DLG1: variants seen among roughly 807,000 people sequenced by gnomAD.
DLG1 encodes the protein discs large MAGUK scaffold protein 1.
Under a neutral mutation model 123.4 loss-of-function variants are expected in DLG1, and 42 were observed. The ratio of observed to expected loss-of-function variants is 0.34; its 90% CI spans 0.27 to 0.44. The LOEUF (loss-of-function observed/expected upper bound fraction) is 0.44, where lower values mean the gene tolerates loss of function less well. DLG1 is among the 20% of genes least tolerant of loss of function. The pLI is 1.00. For synonymous variants in DLG1, 317 were observed against 356.2 expected (o/e 0.89, Z 1.24); for missense variants, 942 against 1,082.6 (o/e 0.87, Z 1.82).
chr3:197,113,725 G>A (rs933064679), intron 13 of DLG1, among the ~76,000 whole-genome samples: 3 of 152,070 alleles, frequency 2.0e-5, no homozygotes, highest in Non-Finnish European at 2.9e-5. Flanking sequence ...TAGCTTTTAA[G>A]ATTAGATAAA....
chr3:197,298,544 C>G lies in DLG1; in HGVS notation c.-40G>C. 2.5e-6 allele frequency: 1 copy of G among 398,720 alleles called. No individual in the cohort carries two copies. The highest frequency in any genetic ancestry group is 3.6e-5 in the East Asian group (1 of 28,070). 24.7% of individuals were successfully genotyped at this position (398,720 alleles called of 1,614,324 possible). A position where few individuals can be genotyped will look rare whatever the true frequency, so the allele number is the denominator to read the frequency against. ...ATCCAAGGCGCACATACCGAGACAC[C>G]CCTCAACCTCACTCAGCAGTGCCGT... On this transcript the variant is annotated 5_prime_UTR_variant, in exon 1 of 25. Coordinates refer to ENST00000667157, the MANE Select transcript of DLG1 (RefSeq NM_001366207.1).
At chr3:197,110,969 T>C (rs571478455) in intron 13 of DLG1, among the ~76,000 whole-genome samples, 35 of 152,250 alleles carry the variant, frequency 2.3e-4, no homozygotes, top group African/African-American at 7.5e-4. Flanking sequence ...GCCCTGAACA[T>C]GTGTGTGGCC....
intron 5 of DLG1, among the ~76,000 whole-genome samples, chr3:197,191,009 CAAACA>C (rs537538638): frequency 1.1e-4 from 16 of 152,182 alleles, no homozygotes; most frequent in Non-Finnish European, 1.9e-4. Flanking sequence ...GACTTCAACT[CAAACA>C]AAACAAAACA....
At chr3:197,162,827 A>C (rs1192607869) in intron 5 of DLG1, among the ~76,000 whole-genome samples, 1 of 152,246 alleles carries the variant, frequency 6.6e-6, no homozygotes, top group Admixed American at 6.5e-5. Flanking sequence ...TAGAAATCAT[A>C]AATGATGAAA....
intron 5 of DLG1, among the ~76,000 whole-genome samples, chr3:197,152,419 CTTTTTTT>C (rs768327685): frequency 4.2e-5 from 4 of 94,700 alleles, no homozygotes; most frequent in South Asian, 7.7e-4. Context: ...ATCCCAAAGT[CTTTTTTT>C]TTTTTTTTTT....
intron 4 of DLG1, among the ~76,000 whole-genome samples, chr3:197,228,066 C>G (rs1193431590): frequency 1.3e-5 from 2 of 152,192 alleles, no homozygotes; most frequent in African/African-American, 2.4e-5. Context: ...TTAAAACTTT[C>G]ATTTTCAAAT....
At chr3:197,214,987 T>C (rs1051174846) in intron 4 of DLG1, among the ~76,000 whole-genome samples, 1 of 152,212 alleles carries the variant, frequency 6.6e-6, no homozygotes, top group African/African-American at 2.4e-5. Context: ...ACAGAAACTC[T>C]AATACAGGTA....
intron 9 of DLG1, among the ~76,000 whole-genome samples, chr3:197,137,533 A>C (rs1041324819): frequency 6.6e-6 from 1 of 152,214 alleles, no homozygotes; most frequent in African/African-American, 2.4e-5. Context: ...TCCACTTATA[A>C]AACAAATAGA....
At chr3:197,207,279 C>T (rs1729053257) in intron 4 of DLG1, among the ~76,000 whole-genome samples, 2 of 151,932 alleles carry the variant, frequency 1.3e-5, no homozygotes, top group South Asian at 4.2e-4. Context: ...TTAGATGGTA[C>T]AAGGAAATAG....
chr3:197,192,342 T>C (rs1453652129), intron 5 of DLG1, among the ~76,000 whole-genome samples: 1 of 151,964 alleles, frequency 6.6e-6, no homozygotes, highest in African/African-American at 2.4e-5. Context: ...CATTTAAAAA[T>C]GCTGTTTCAA....
chr3:197,103,692 G>A (rs1265614875), intron 14 of DLG1, among the ~76,000 whole-genome samples: 2 of 150,178 alleles, frequency 1.3e-5, no homozygotes, highest in Non-Finnish European at 1.5e-5. Context: ...ACTTAAGAAA[G>A]ACCAAGCAAT....
rs372129781 is a variant in DLG1, at chr3:197,282,685, A to G, written c.312T>C (p.Ser104=). The part of the protein sequence containing the change: ...SETLPSSLSP[S]VEKYRYQDED... Reference sequence around the variant, plus strand: ...AACACATTTTTTATCTCACCTCTACACTAGGGCTAAGGCTGCTTGGCAGTG... The same window carrying G: ...AACACATTTTTTATCTCACCTCTACGCTAGGGCTAAGGCTGCTTGGCAGTG... Residue 104 remains serine, a synonymous_variant, in exon 4 of 25, where the codon AGT becomes AGC. Coordinates refer to ENST00000667157, the MANE Select transcript of DLG1 (RefSeq NM_001366207.1). 4.4e-5 allele frequency: 70 copies of G among 1,584,618 alleles called. No individual in the cohort carries two copies. The highest frequency in any genetic ancestry group is 5.5e-5 in the Non-Finnish European group (64 of 1,170,002).
intron 5 of DLG1, chr3:197,161,582 A>C: frequency 9.3e-7 from 1 of 1,076,694 alleles, no homozygotes; most frequent in South Asian, 2.0e-5. Context: ...AAAAGAACAC[A>C]AATGAAACAT....
intron 6 of DLG1, among the ~76,000 whole-genome samples, chr3:197,148,978 A>T (rs1161379070): frequency 6.6e-6 from 1 of 152,158 alleles, no homozygotes; most frequent in Non-Finnish European, 1.5e-5. Context: ...AATGTTTAAG[A>T]TGTATTAATT....
chr3:197,087,332 C>CA (rs1341242109), intron 15 of DLG1, among the ~76,000 whole-genome samples: 1 of 139,534 alleles, frequency 7.2e-6, no homozygotes, highest in African/African-American at 2.6e-5. Context: ...TTTTTGCAGC[C>CA]TTTTTTTTTT....
chr3:197,172,663 T>C (rs1277761135), intron 5 of DLG1, among the ~76,000 whole-genome samples: 1 of 152,154 alleles, frequency 6.6e-6, no homozygotes, highest in Non-Finnish European at 1.5e-5. Context: ...TTTCATGCAA[T>C]ATACATAGTA....
intron 19 of DLG1, chr3:197,068,561 AAAAG>A (rs768240178): frequency 9.2e-6 from 14 of 1,526,090 alleles, no homozygotes; most frequent in South Asian, 1.2e-5. Context: ...CAGCAGTAAA[AAAAG>A]AAAGTTAGAA....
chr3:197,066,703 C>T lies in DLG1; in HGVS notation c.2098+1G>A. The T allele has an allele frequency of 6.2e-7, 1 of 1,600,646 alleles. No homozygotes were observed. The highest frequency in any genetic ancestry group is 1.3e-5 in the African/African-American group (1 of 74,672). On this transcript the variant is annotated splice_donor_variant, in intron 20 of 24. Transcript: ENST00000667157. LOFTEE classifies it high-confidence loss of function. ...ATAAAACATCAATAGGCTTCACAAACCTTCTTGTTGATTCACTGGTTCATA... is the reference window on the plus strand; with the variant it reads ...ATAAAACATCAATAGGCTTCACAAATCTTCTTGTTGATTCACTGGTTCATA...
At chr3:197,058,491 C>G (rs1419567268) in intron 23 of DLG1, among the ~76,000 whole-genome samples, 3 of 152,196 alleles carry the variant, frequency 2.0e-5, no homozygotes, top group Non-Finnish European at 4.4e-5. Flanking sequence ...TTGACTCACT[C>G]AGAAGCATAA....
Sources: allele counts gnomAD v4.1 joint callset (sites outside exome capture counted in the v4.1 genomes callset), GRCh38; gene constraint gnomAD v4.1.1; transcripts MANE v1.5; gene names NCBI Gene and HGNC (gene_info 2026-07-23, HGNC 2026-07-21).